Variants in RBFOX1 observed in about 807,000 individuals in gnomAD.
RBFOX1 encodes the protein RNA binding protein fox-1 homolog 1.
In RBFOX1, 8 loss-of-function variants were observed where a neutral mutation model predicts 57.7. The observed-to-expected ratio is 0.14, with a 90% CI of 0.08 to 0.25. RBFOX1 has a LOEUF of 0.25. Ranked by LOEUF, RBFOX1 falls within the 10% of genes least tolerant of loss-of-function variation. The pLI, the probability that RBFOX1 is intolerant of heterozygous loss-of-function variation, is 1.00. For synonymous variants in RBFOX1, 326 were observed against 222.4 expected, an observed-to-expected ratio of 1.47 and a Z score of -4.15; for missense variants, 611 against 548.5, an observed-to-expected ratio of 1.11 and a Z score of -1.14.
intron 2 of RBFOX1, among the ~76,000 whole-genome samples, chr16:6,608,898 C>A (rs1391129672): frequency 6.6e-6 from 1 of 152,156 alleles, no homozygotes; most frequent in Non-Finnish European, 1.5e-5. Flanking sequence ...TAGAGGAGAT[C>A]TTTTTTCTTG....
At chr16:7,045,368 C>G (rs1488575507) in intron 3 of RBFOX1, among the ~76,000 whole-genome samples, 6 of 152,154 alleles carry the variant, frequency 3.9e-5, no homozygotes, top group Admixed American at 1.3e-4. Flanking sequence ...CAAAAACAAA[C>G]ATGTCTACTA....
intron 2 of RBFOX1, among the ~76,000 whole-genome samples, chr16:6,366,083 C>CTG (rs1286758170): frequency 8.2e-5 from 9 of 109,646 alleles, no homozygotes; most frequent in African/African-American, 2.5e-4. Flanking sequence ...GGTGGCCATT[C>CTG]TATGTGTGTG....
At chr16:7,077,971 G>C (rs1006473887) in intron 4 of RBFOX1, among the ~76,000 whole-genome samples, 2 of 152,310 alleles carry the variant, frequency 1.3e-5, no homozygotes, top group East Asian at 1.9e-4. Flanking sequence ...CTCAAGGGCT[G>C]TGCTGTCTCC....
chr16:7,034,778 G>A (rs1462345283), intron 3 of RBFOX1, among the ~76,000 whole-genome samples: 1 of 146,600 alleles, frequency 6.8e-6, no homozygotes, highest in Non-Finnish European at 1.5e-5. Context: ...CTCAGAAAAT[G>A]CAATTTCTAA....
At chr16:7,179,860 G>A (rs1367381247) in intron 4 of RBFOX1, among the ~76,000 whole-genome samples, 1 of 151,670 alleles carries the variant, frequency 6.6e-6, no homozygotes, top group Non-Finnish European at 1.5e-5. Flanking sequence ...TCAGCCTCCT[G>A]AATAGCTGGG....
rs532635612 is a variant in RBFOX1, at chr16:5,560,208, G to A, written c.259-38694G>A. Among the ~76,000 whole-genome samples, 28 of 151,828 alleles carry A rather than the reference G, an allele frequency of 1.8e-4. No individual in the cohort carries two copies. The South Asian group carries it at 5.4e-3, about 29-fold the overall frequency. Reference sequence around the variant, plus strand: ...GAAATACCTTGCTTGCTAACTCCTGGGCATCTTTAGATTCTCAGCTCATAT... The same window carrying A: ...GAAATACCTTGCTTGCTAACTCCTGAGCATCTTTAGATTCTCAGCTCATAT... On this transcript the variant is annotated intron_variant, in intron 2 of 2. Transcript: ENST00000585867.
intron 3 of RBFOX1, among the ~76,000 whole-genome samples, chr16:5,750,181 A>C (rs2062322210): frequency 6.6e-6 from 1 of 152,166 alleles, no homozygotes; most frequent in South Asian, 2.1e-4. Flanking sequence ...CAGAACAGCG[A>C]ATATTTCTGA....
intron 1 of RBFOX1, chr16:5,365,762 C>G: frequency 2.1e-6 from 1 of 481,130 alleles, no homozygotes; most frequent in Non-Finnish European, 4.1e-6. Context: ...TCTCTGTCCG[C>G]CTTCTCTCCC....
intron 4 of RBFOX1, among the ~76,000 whole-genome samples, chr16:7,415,101 C>G (rs1039273659): frequency 2.0e-5 from 3 of 152,292 alleles, no homozygotes; most frequent in Non-Finnish European, 2.9e-5. Context: ...ATTAGCAGTA[C>G]CAACTGTAAT....
chr16:7,128,478 G>A (rs1053563815), intron 4 of RBFOX1, among the ~76,000 whole-genome samples: 2 of 152,124 alleles, frequency 1.3e-5, no homozygotes, highest in African/African-American at 4.8e-5. Context: ...GGGATAGTTC[G>A]GTTCTGTACG....
chr16:7,432,384 A>T (rs1262604135), intron 4 of RBFOX1, among the ~76,000 whole-genome samples: 1 of 152,150 alleles, frequency 6.6e-6, no homozygotes, highest in African/African-American at 2.4e-5. Flanking sequence ...TAGGATCCCA[A>T]TCCCAGAAGA....
chr16:6,415,698 C>T (rs1233996816), intron 2 of RBFOX1, among the ~76,000 whole-genome samples: 1 of 152,054 alleles, frequency 6.6e-6, no homozygotes, highest in Non-Finnish European at 1.5e-5. Context: ...AATACTGTGC[C>T]TCAAACAAAA....
At chr16:6,897,793 C>G (rs1034724990) in intron 3 of RBFOX1, among the ~76,000 whole-genome samples, 2 of 151,928 alleles carry the variant, frequency 1.3e-5, no homozygotes, top group Non-Finnish European at 2.9e-5. Flanking sequence ...GATTCCGTCT[C>G]AAAAAATAAA....
At chr16:6,460,631 C>G (rs1055081014) in intron 2 of RBFOX1, among the ~76,000 whole-genome samples, 4 of 152,120 alleles carry the variant, frequency 2.6e-5, no homozygotes, top group Admixed American at 2.6e-4. Flanking sequence ...AATAGGAACA[C>G]TTTTACACTG....
chr16:7,126,158 T>A (rs2068484785), intron 4 of RBFOX1: 1 of 153,700 alleles, frequency 6.5e-6, no homozygotes, highest in Admixed American at 6.5e-5. Flanking sequence ...CTGTGTCACT[T>A]CTCCCTTGGT....
At chr16:6,376,135 G>A (rs1260563214) in intron 2 of RBFOX1, among the ~76,000 whole-genome samples, 3 of 152,104 alleles carry the variant, frequency 2.0e-5, no homozygotes, top group Admixed American at 1.3e-4. Context: ...ATTTATCCCA[G>A]TGGAAATTTC....
In RBFOX1 at chr16:5,459,876, C is replaced by G. The variant is rs77263479; in HGVS notation, c.220-7340C>G. On this transcript the variant is annotated intron_variant, in intron 1 of 2. Coordinates refer to the RBFOX1 transcript ENST00000585867. ...AAATATTTCTCGAGTCTCTCTCCTT[C>G]TCTTCATCCCTTCCAACAACACCTT... Among the ~76,000 whole-genome samples, 525 of 152,268 alleles carry G rather than the reference C, an allele frequency of 3.4e-3. 7 individuals are homozygous for G. The East Asian group carries it at 0.044, about 13-fold the overall frequency.
At chr16:5,283,693 C>T (rs1317109189) in intron 1 of RBFOX1, among the ~76,000 whole-genome samples, 1 of 152,168 alleles carries the variant, frequency 6.6e-6, no homozygotes, top group African/African-American at 2.4e-5. Context: ...GCAATTTTCT[C>T]CCATTTGGAA....
chr16:5,321,445 G>A (rs1016865433), intron 1 of RBFOX1, among the ~76,000 whole-genome samples: 4 of 151,738 alleles, frequency 2.6e-5, no homozygotes, highest in African/African-American at 4.8e-5. Flanking sequence ...TCAGCCTCCC[G>A]AGTAGCTGGG....
Sources: allele counts gnomAD v4.1 joint callset (sites outside exome capture counted in the v4.1 genomes callset), GRCh38; gene constraint gnomAD v4.1.1; transcripts MANE v1.5; gene names NCBI Gene and HGNC (gene_info 2026-07-23, HGNC 2026-07-21).